The following ASTN2 variants were observed in gnomAD, a reference collection of about 807,000 sequenced individuals.
ASTN2 encodes astrotactin 2.
In ASTN2, 54 loss-of-function variants were observed where a neutral mutation model predicts 139.8. The ratio of observed to expected loss-of-function variants is 0.39; its 90% confidence interval spans 0.31 to 0.48. The LOEUF is 0.48. Among genes scored for constraint, ASTN2 ranks in the 20% least tolerant of loss-of-function variants. The probability of loss-of-function intolerance (pLI) is 0.95; values close to 1 mark genes in which losing one functional copy is unlikely to be tolerated. For missense variants in ASTN2, 1,565 were observed against 1,725.1 expected (o/e 0.91, Z 1.64); for synonymous variants, 756 against 719.5 (o/e 1.05, Z -0.81).
At chr9:116,927,950 G>T (rs977021946) in intron 10 of ASTN2, among the ~76,000 whole-genome samples, 1 of 152,098 alleles carries the variant, frequency 6.6e-6, no homozygotes, top group Admixed American at 6.6e-5. Context: ...TTTGGCTACT[G>T]TTCCCTCCGT....
chr9:116,814,355 G>A (rs1668355893), intron 12 of ASTN2, among the ~76,000 whole-genome samples: 1 of 152,124 alleles, frequency 6.6e-6, no homozygotes. Context: ...CAGAGGAGGT[G>A]TTCTCTGAGC....
chr9:116,545,255 C>T (rs1852044139), intron 19 of ASTN2, among the ~76,000 whole-genome samples: 1 of 152,202 alleles, frequency 6.6e-6, no homozygotes, highest in African/African-American at 2.4e-5. Flanking sequence ...CTAGATGGGG[C>T]TGGGTGCCAG....
chr9:116,454,947 T>G (rs1176395967), intron 20 of ASTN2, among the ~76,000 whole-genome samples: 2 of 151,840 alleles, frequency 1.3e-5, no homozygotes, highest in Admixed American at 1.3e-4. Flanking sequence ...AAATGAAAAG[T>G]TAATGGGTGC....
At chr9:117,056,700 C>G (rs6478276) in intron 5 of ASTN2, among the ~76,000 whole-genome samples, 1 of 152,008 alleles carries the variant, frequency 6.6e-6, no homozygotes, top group African/African-American at 2.4e-5. Context: ...CCTGGAAGCC[C>G]CTATGTTCAC....
At chr9:117,410,004 G>C (rs564652670) in intron 1 of ASTN2, among the ~76,000 whole-genome samples, 1 of 152,158 alleles carries the variant, frequency 6.6e-6, no homozygotes, top group Non-Finnish European at 1.5e-5. Context: ...CCAGCTCTAC[G>C]CATGCAGGTG....
At chr9:117,321,582 A>G (rs1269910789) in intron 1 of ASTN2, among the ~76,000 whole-genome samples, 3 of 152,196 alleles carry the variant, frequency 2.0e-5, no homozygotes, top group Non-Finnish European at 2.9e-5. Flanking sequence ...ACTGTCATGC[A>G]TCTCCAACTC....
chr9:117,256,098 A>C (rs1402574181), intron 2 of ASTN2, among the ~76,000 whole-genome samples: 2 of 152,180 alleles, frequency 1.3e-5, no homozygotes, highest in African/African-American at 4.8e-5. Flanking sequence ...CAAGCCTGCA[A>C]GTTTGGCAGG....
chr9:117,245,580 G>A (rs2133081573), intron 2 of ASTN2, among the ~76,000 whole-genome samples: 1 of 152,294 alleles, frequency 6.6e-6, no homozygotes, highest in East Asian at 1.9e-4. Flanking sequence ...AGGCACGGAG[G>A]CTGGGTGCAG....
At chr9:116,881,032 C>A (rs891148446) in intron 10 of ASTN2, among the ~76,000 whole-genome samples, 46 of 152,042 alleles carry the variant, frequency 3.0e-4, no homozygotes, top group African/African-American at 1.0e-3. Flanking sequence ...ACACATGGAT[C>A]TTGAAGAAAG....
At chr9:117,026,797 C>G (rs1357023994) in intron 6 of ASTN2, among the ~76,000 whole-genome samples, 1 of 152,140 alleles carries the variant, frequency 6.6e-6, no homozygotes, top group Non-Finnish European at 1.5e-5. Flanking sequence ...CCAATAAGGG[C>G]CTTAAAGTAG....
intron 19 of ASTN2, among the ~76,000 whole-genome samples, chr9:116,600,798 T>C (rs1854855098): frequency 1.3e-5 from 2 of 152,254 alleles, no homozygotes; most frequent in South Asian, 4.1e-4. Context: ...TGTCCTTTTA[T>C]TCCTTAAGGC....
chr9:117,108,682 AG>A (rs1426253147), intron 4 of ASTN2, among the ~76,000 whole-genome samples: 1 of 152,188 alleles, frequency 6.6e-6, no homozygotes, highest in Non-Finnish European at 1.5e-5. Flanking sequence ...GGGAATAGAA[AG>A]ACACTTAACT....
intron 10 of ASTN2, 34 bp from the exon 11 acceptor site, chr9:116,863,767 A>G: frequency 6.3e-7 from 1 of 1,576,812 alleles, no homozygotes; most frequent in Non-Finnish European, 8.6e-7. Context: ...AACCCCAGAG[A>G]CATTTGGATC....
intron 1 of ASTN2, among the ~76,000 whole-genome samples, chr9:117,312,741 C>T (rs139526518): frequency 3.9e-4 from 60 of 152,236 alleles, no homozygotes; most frequent in African/African-American, 1.3e-3. Context: ...ACTTCTGCTC[C>T]GTAACTTTGA....
At chr9:117,275,964 C>T (rs1459240732) in intron 2 of ASTN2, among the ~76,000 whole-genome samples, 2 of 152,136 alleles carry the variant, frequency 1.3e-5, no homozygotes, top group Admixed American at 1.3e-4. Flanking sequence ...TGAGCTTCAA[C>T]ATATTAATTT....
chr9:116,673,141 A>C (rs1021896299), intron 16 of ASTN2, among the ~76,000 whole-genome samples: 1 of 152,248 alleles, frequency 6.6e-6, no homozygotes, highest in East Asian at 1.9e-4. Flanking sequence ...GGAATCATCT[A>C]GAGGGTATTT....
chr9:116,487,555 G>A (rs1170829081), intron 19 of ASTN2, 55 bp from the exon 20 acceptor site: 89 of 1,547,722 alleles, frequency 5.8e-5, no homozygotes, highest in Non-Finnish European at 7.6e-5. Flanking sequence ...GTGAGGAGAC[G>A]TTTTTGCTGT....
intron 20 of ASTN2, among the ~76,000 whole-genome samples, chr9:116,486,658 TA>T (rs1849347809): frequency 6.6e-6 from 1 of 152,194 alleles, no homozygotes; most frequent in African/African-American, 2.4e-5. Flanking sequence ...AGGTGGTCTA[TA>T]AAGCTCTATG....
At chr9:116,763,072 C>T (rs1829715067) in intron 13 of ASTN2, among the ~76,000 whole-genome samples, 1 of 152,194 alleles carries the variant, frequency 6.6e-6, no homozygotes, top group Non-Finnish European at 1.5e-5. Context: ...ATGATGCTCT[C>T]ATAAGAGGCA....
Sources: allele counts gnomAD v4.1 joint callset (sites outside exome capture counted in the v4.1 genomes callset), GRCh38; gene constraint gnomAD v4.1.1; transcripts MANE v1.5; gene names NCBI Gene and HGNC (gene_info 2026-07-23, HGNC 2026-07-21).